The following CACNA1D variants were observed in gnomAD, a reference collection of about 807,000 sequenced individuals.
The protein encoded by CACNA1D is calcium voltage-gated channel subunit alpha1 D, also known as voltage-dependent L-type calcium channel subunit alpha-1D.
A neutral mutation model predicts 257.1 loss-of-function variants in CACNA1D; 55 were observed. That is an observed-to-expected ratio of 0.21 (90% CI 0.17 to 0.27). The LOEUF (loss-of-function observed/expected upper bound fraction) is 0.27. Ranked by LOEUF, CACNA1D falls within the 10% of genes least tolerant of loss-of-function variation. The pLI, the probability that CACNA1D is intolerant of heterozygous loss-of-function variation, is 1.00. For missense variants in CACNA1D, 1,876 were observed against 2,784.0 expected (o/e 0.67, Z 7.34); for synonymous variants, 980 against 1,014.9 (o/e 0.97, Z 0.65).
intron 8 of CACNA1D, among the ~76,000 whole-genome samples, chr3:53,682,028 C>G (rs1177515142): frequency 6.6e-6 from 1 of 152,022 alleles, no homozygotes; most frequent in Non-Finnish European, 1.5e-5. Flanking sequence ...ATCCAGGTCA[C>G]GTAGGACCTT....
At chr3:53,588,240 C>T (rs1371746331) in intron 3 of CACNA1D, among the ~76,000 whole-genome samples, 1 of 152,128 alleles carries the variant, frequency 6.6e-6, no homozygotes, top group African/African-American at 2.4e-5. Flanking sequence ...TCAAGGGACC[C>T]GCTCTGTGAG....
At chr3:53,639,082 G>C (rs1291404558) in intron 3 of CACNA1D, among the ~76,000 whole-genome samples, 1 of 152,130 alleles carries the variant, frequency 6.6e-6, no homozygotes, top group East Asian at 1.9e-4. Context: ...TGTTCACGTT[G>C]ACTGTAGCAA....
intron 5 of CACNA1D, among the ~76,000 whole-genome samples, chr3:53,665,011 A>G (rs72967859): frequency 7.9e-5 from 12 of 152,266 alleles, no homozygotes; most frequent in Non-Finnish European, 1.8e-4. Context: ...AACCTCAATG[A>G]GCACGGTGCC....
chr3:53,784,857 G>T (rs895041867), intron 39 of CACNA1D, among the ~76,000 whole-genome samples: 4 of 152,200 alleles, frequency 2.6e-5, no homozygotes, highest in Non-Finnish European at 5.9e-5. Flanking sequence ...CAGTGTGGCT[G>T]GAGACGGCCA....
chr3:53,506,353 A>G (rs1396988374), intron 3 of CACNA1D, among the ~76,000 whole-genome samples: 1 of 152,160 alleles, frequency 6.6e-6, no homozygotes, highest in Non-Finnish European at 1.5e-5. Flanking sequence ...CCCCTGGTTT[A>G]TAACTGTTGT....
intron 3 of CACNA1D, among the ~76,000 whole-genome samples, chr3:53,636,591 A>G (rs565330035): frequency 5.6e-4 from 86 of 152,354 alleles, no homozygotes; most frequent in African/African-American, 2.0e-3. Context: ...TACAGGCATT[A>G]GCCACTGCGC....
chr3:53,660,797 T>G (rs529464695), intron 5 of CACNA1D, among the ~76,000 whole-genome samples: 40 of 146,102 alleles, frequency 2.7e-4, no homozygotes, highest in Admixed American at 8.0e-4. Context: ...GATGAATGCT[T>G]CTTACCTGGT....
chr3:53,577,076 G>T (rs941351230), intron 3 of CACNA1D, among the ~76,000 whole-genome samples: 22 of 152,202 alleles, frequency 1.4e-4, no homozygotes. Context: ...ACCCATTGTA[G>T]AATAGTGGGG....
At chr3:53,699,385 G>C (rs967031953) in intron 8 of CACNA1D, among the ~76,000 whole-genome samples, 1 of 152,168 alleles carries the variant, frequency 6.6e-6, no homozygotes, top group Non-Finnish European at 1.5e-5. Flanking sequence ...TGAACTTCAC[G>C]TTGATACCAC....
intron 4 of CACNA1D, among the ~76,000 whole-genome samples, chr3:53,653,250 C>CA (rs999069463): frequency 1.4e-4 from 20 of 145,532 alleles, no homozygotes; most frequent in African/African-American, 2.8e-4. Context: ...GACTCCATTT[C>CA]AAAAAAAAAA....
chr3:53,592,362 G>A (rs2107813308), intron 3 of CACNA1D, among the ~76,000 whole-genome samples: 1 of 152,220 alleles, frequency 6.6e-6, no homozygotes, highest in South Asian at 2.1e-4. Flanking sequence ...GGGGGAAGGA[G>A]ATGTTTTTAA....
chr3:53,776,857 C>T lies in CACNA1D; in HGVS notation c.4491-3C>T. 1 of 1,613,864 alleles carries T rather than the reference C, an allele frequency of 6.2e-7. No individual in the cohort carries two copies. Among genetic ancestry groups the T allele is most frequent in the East Asian group, 2.2e-5 (1 of 44,884 alleles). On this transcript the variant is annotated splice_polypyrimidine_tract_variant and splice_region_variant and intron_variant, in intron 36 of 47. Transcript: ENST00000350061. The stretch of plus-strand genomic sequence containing the variant: ...TGGACCTTAGATTGTATTTTACTTC[C>T]AGGGGAAGGATAAAACACCTTGATG...
chr3:53,559,100 A>G (rs2092694428), intron 3 of CACNA1D, among the ~76,000 whole-genome samples: 1 of 152,094 alleles, frequency 6.6e-6, no homozygotes, highest in Non-Finnish European at 1.5e-5. Context: ...GATAATCTCT[A>G]TTAATCTAAA....
chr3:53,780,642 C>T (rs891987717), intron 38 of CACNA1D, among the ~76,000 whole-genome samples: 2 of 152,216 alleles, frequency 1.3e-5, no homozygotes, highest in Non-Finnish European at 2.9e-5. Flanking sequence ...AGCATCTTCC[C>T]AGCTGAGAGA....
At chr3:53,737,755 G>A (rs960880914) in intron 20 of CACNA1D, among the ~76,000 whole-genome samples, 3 of 152,192 alleles carry the variant, frequency 2.0e-5, no homozygotes, top group African/African-American at 7.2e-5. Flanking sequence ...CCCAGGAGGC[G>A]GAGGTTGCAG....
At chr3:53,505,060 A>C (rs1025061782) in intron 3 of CACNA1D, among the ~76,000 whole-genome samples, 1 of 148,732 alleles carries the variant, frequency 6.7e-6, no homozygotes, top group African/African-American at 2.5e-5. Flanking sequence ...ATGTCTCTCT[A>C]TCCCCTTATC....
chr3:53,651,366 C>CTTTGTT (rs2094091595), intron 4 of CACNA1D, among the ~76,000 whole-genome samples: 1 of 81,836 alleles, frequency 1.2e-5, no homozygotes, highest in Non-Finnish European at 2.3e-5. Flanking sequence ...TATTAATTTT[C>CTTTGTT]TTTTTTTTTT....
At chr3:53,753,753 T>C (rs2095244680) in intron 29 of CACNA1D, 71 bp downstream of exon 29, 1 of 899,808 alleles carries the variant, frequency 1.1e-6, no homozygotes, top group African/African-American at 1.6e-5. Context: ...TTCCTGTTAG[T>C]CTTGTGTTAC....
At chr3:53,646,421 A>G (rs1048411813) in intron 3 of CACNA1D, among the ~76,000 whole-genome samples, 5 of 152,272 alleles carry the variant, frequency 3.3e-5, no homozygotes, top group African/African-American at 1.2e-4. Flanking sequence ...TGCTAGGATC[A>G]TAAAACCTCA....
Sources: allele counts gnomAD v4.1 joint callset (sites outside exome capture counted in the v4.1 genomes callset), GRCh38; gene constraint gnomAD v4.1.1; transcripts MANE v1.5; gene names NCBI Gene and HGNC (gene_info 2026-07-23, HGNC 2026-07-21).